The following NR1H4 variants were observed in gnomAD, a reference collection of about 807,000 sequenced individuals.
NR1H4 encodes bile acid receptor.
Under a neutral mutation model 58.5 loss-of-function variants are expected in NR1H4, and 23 were observed. The ratio of observed to expected loss-of-function variants is 0.39; its 90% confidence interval spans 0.28 to 0.56. The LOEUF (loss-of-function observed/expected upper bound fraction) is 0.56, where lower values mean the gene tolerates loss of function less well. NR1H4 is among the 20% of genes least tolerant of loss of function. NR1H4 has a pLI of 0.58. For missense variants in NR1H4, 487 were observed against 576.9 expected (o/e 0.84, Z 1.60); for synonymous variants, 214 against 198.0 (o/e 1.08, Z -0.68).
chr12:100,473,878 G>A lies in NR1H4; in HGVS notation c.-371G>A, dbSNP rs115187690. ...CTGCTGCTAGCCCAGAAGGCCGCCT[G>A]TGATCATGCACAGTACACTGGAACT... On this transcript the variant is annotated 5_prime_UTR_variant, in exon 1 of 11. It adds an upstream start codon to the 5' untranslated region. Transcript: ENST00000392986. 467 of 152,438 alleles carry A rather than the reference G, an allele frequency of 3.1e-3. 4 individuals carry two copies. The highest frequency in any genetic ancestry group is 0.011 in the African/African-American group (445 of 41,578). 9.4% of individuals were successfully genotyped at this position (152,438 alleles called of 1,614,324 possible).
intron 1 of NR1H4, among the ~76,000 whole-genome samples, chr12:100,487,680 C>T (rs1019943945): frequency 6.9e-5 from 10 of 145,932 alleles, no homozygotes; most frequent in African/African-American, 2.3e-4. Context: ...GGCGTGATCT[C>T]GAGTTACTGC....
intron 4 of NR1H4, among the ~76,000 whole-genome samples, chr12:100,511,591 A>G (rs949686734): frequency 1.3e-5 from 2 of 149,938 alleles, no homozygotes; most frequent in African/African-American, 5.1e-5. Flanking sequence ...TGAGAAAGAG[A>G]GAAAGAAAGA....
At chr12:100,563,217 T>A (rs767586991) in intron 10 of NR1H4, 34 bp from the exon 11 acceptor site, 1 of 1,519,728 alleles carries the variant, frequency 6.6e-7, no homozygotes, top group South Asian at 1.1e-5. Flanking sequence ...TTCCACTTTT[T>A]AATTTTGTCA....
chr12:100,497,488 A>C (rs1314083611), intron 3 of NR1H4, among the ~76,000 whole-genome samples: 2 of 152,194 alleles, frequency 1.3e-5, no homozygotes, highest in Non-Finnish European at 2.9e-5. Context: ...AATCAGAGAG[A>C]TGGGGGTTGG....
At chr12:100,543,267 G>T (rs1954979845) in intron 9 of NR1H4, among the ~76,000 whole-genome samples, 1 of 152,078 alleles carries the variant, frequency 6.6e-6, no homozygotes, top group African/African-American at 2.4e-5. Context: ...ATGATTGAGG[G>T]CCTTGGATGC....
At chr12:100,542,818 A>C (rs901380357) in intron 9 of NR1H4, among the ~76,000 whole-genome samples, 6 of 152,170 alleles carry the variant, frequency 3.9e-5, no homozygotes, top group Non-Finnish European at 8.8e-5. Context: ...CATAATTAGC[A>C]TCATTGGTAG....
intron 9 of NR1H4, among the ~76,000 whole-genome samples, chr12:100,553,299 A>G (rs1248148795): frequency 6.6e-6 from 1 of 152,152 alleles, no homozygotes; most frequent in East Asian, 1.9e-4. Context: ...CGCCCGGCCG[A>G]TTCCCACTCT....
At chr12:100,528,741 A>G (rs1251463910) in intron 4 of NR1H4, among the ~76,000 whole-genome samples, 5 of 152,250 alleles carry the variant, frequency 3.3e-5, no homozygotes, top group African/African-American at 1.2e-4. Flanking sequence ...AAGCTAATTA[A>G]TTCAGCTATT....
At chr12:100,557,876 C>T (rs569347356) in intron 9 of NR1H4, among the ~76,000 whole-genome samples, 1 of 152,286 alleles carries the variant, frequency 6.6e-6, no homozygotes, top group African/African-American at 2.4e-5. Context: ...GCAGTCTATT[C>T]TCATCTGGAC....
chr12:100,518,030 GT>G (rs1954311336), intron 4 of NR1H4, among the ~76,000 whole-genome samples: 1 of 152,210 alleles, frequency 6.6e-6, no homozygotes, highest in African/African-American at 2.4e-5. Context: ...GAAGCAGTCC[GT>G]TTAGCTGTTA....
chr12:100,482,942 T>C (rs1953412457), intron 1 of NR1H4, among the ~76,000 whole-genome samples: 1 of 152,170 alleles, frequency 6.6e-6, no homozygotes, highest in Non-Finnish European at 1.5e-5. Context: ...TATTTATTTA[T>C]TTGAGACAGA....
intron 4 of NR1H4, among the ~76,000 whole-genome samples, chr12:100,520,310 T>C (rs1954382193): frequency 6.6e-6 from 1 of 152,152 alleles, no homozygotes; most frequent in Non-Finnish European, 1.5e-5. Flanking sequence ...TAATATTTAC[T>C]GGTTAGAGTT....
intron 3 of NR1H4, chr12:100,503,420 A>C: frequency 6.3e-7 from 1 of 1,597,670 alleles, no homozygotes; most frequent in Non-Finnish European, 8.5e-7. Context: ...TAGAAAATCC[A>C]ATTCAAATTA....
intron 4 of NR1H4, among the ~76,000 whole-genome samples, chr12:100,516,285 T>C (rs1269535224): frequency 6.6e-6 from 1 of 152,182 alleles, no homozygotes; most frequent in Non-Finnish European, 1.5e-5. Flanking sequence ...AGAACACGCA[T>C]AATTTATTCG....
chr12:100,557,424 C>G (rs1955355682), intron 9 of NR1H4, among the ~76,000 whole-genome samples: 1 of 152,214 alleles, frequency 6.6e-6, no homozygotes, highest in South Asian at 2.1e-4. Flanking sequence ...CCACCAGGCC[C>G]CATCTCCAAC....
chr12:100,500,338 G>T (rs1218400382), intron 3 of NR1H4, among the ~76,000 whole-genome samples: 38 of 152,042 alleles, frequency 2.5e-4, no homozygotes, highest in Admixed American at 2.5e-3. Flanking sequence ...CATAGCTGAT[G>T]CCCCACTCAG....
chr12:100,542,000 C>T (rs986139403), intron 9 of NR1H4, among the ~76,000 whole-genome samples: 1 of 152,162 alleles, frequency 6.6e-6, no homozygotes, highest in Non-Finnish European at 1.5e-5. Context: ...AAAGCTGAGA[C>T]AGAGAAAGGT....
At chr12:100,505,727 A>G (rs1953944224) in intron 3 of NR1H4, 5 of 631,832 alleles carry the variant, frequency 7.9e-6, no homozygotes, top group South Asian at 1.8e-5. Context: ...AAATTTTAAT[A>G]TGTATTTTCC....
At chr12:100,520,369 CA>C (rs1954384028) in intron 4 of NR1H4, among the ~76,000 whole-genome samples, 1 of 151,970 alleles carries the variant, frequency 6.6e-6, no homozygotes, top group South Asian at 2.1e-4. Flanking sequence ...AGAATTAATA[CA>C]GAAGTTGGAA....
Sources: allele counts gnomAD v4.1 joint callset (sites outside exome capture counted in the v4.1 genomes callset), GRCh38; gene constraint gnomAD v4.1.1; transcripts MANE v1.5; gene names NCBI Gene and HGNC (gene_info 2026-07-23, HGNC 2026-07-21).